The following SLC25A21 variants were observed in gnomAD, a reference collection of about 807,000 sequenced individuals.
SLC25A21 encodes the protein mitochondrial 2-oxodicarboxylate carrier.
In SLC25A21, 47 loss-of-function variants were observed where a neutral mutation model predicts 43.8. The observed-to-expected ratio is 1.07, with a 90% CI of 0.85 to 1.37. The LOEUF (loss-of-function observed/expected upper bound fraction) is 1.37, where lower values mean the gene tolerates loss of function less well. SLC25A21 is among the 40% of genes most tolerant of loss of function. The probability of loss-of-function intolerance (pLI) is 0.00; values close to 1 mark genes in which losing one functional copy is unlikely to be tolerated. For missense variants in SLC25A21, 352 were observed against 350.2 expected, an observed-to-expected ratio of 1.00 and a Z score of -0.04; for synonymous variants, 131 against 121.3, an observed-to-expected ratio of 1.08 and a Z score of -0.52.
intron 1 of SLC25A21, among the ~76,000 whole-genome samples, chr14:36,916,809 C>A (rs940544386): frequency 6.6e-6 from 1 of 151,988 alleles, no homozygotes; most frequent in African/African-American, 2.4e-5. Flanking sequence ...TCCACCTGGA[C>A]GTTATATGGG....
At chr14:37,154,937 C>G (rs190921816) in intron 1 of SLC25A21, among the ~76,000 whole-genome samples, 4 of 152,134 alleles carry the variant, frequency 2.6e-5, no homozygotes, top group African/African-American at 9.6e-5. Context: ...GCACCACGCC[C>G]GGCCGATATC....
intron 1 of SLC25A21, among the ~76,000 whole-genome samples, chr14:36,961,039 G>A (rs564189278): frequency 7.2e-5 from 11 of 152,078 alleles, no homozygotes; most frequent in African/African-American, 2.2e-4. Context: ...GGAGGTTTGA[G>A]GTGTTGGTTC....
At chr14:36,855,094 CAGTAA>C (rs1889859722) in intron 2 of SLC25A21, among the ~76,000 whole-genome samples, 1 of 151,926 alleles carries the variant, frequency 6.6e-6, no homozygotes, top group African/African-American at 2.4e-5. Context: ...TGAACAATGT[CAGTAA>C]AGTAATGTGC....
chr14:36,942,501 C>G (rs759402435), intron 1 of SLC25A21, among the ~76,000 whole-genome samples: 1 of 152,116 alleles, frequency 6.6e-6, no homozygotes, highest in Non-Finnish European at 1.5e-5. Context: ...TGCTTTCTAT[C>G]ACACATATTT....
At chr14:37,097,585 G>C (rs1167915793) in intron 1 of SLC25A21, among the ~76,000 whole-genome samples, 4 of 151,986 alleles carry the variant, frequency 2.6e-5, no homozygotes, top group Non-Finnish European at 5.9e-5. Flanking sequence ...AAATGATTCA[G>C]ACAAAAATAA....
intron 1 of SLC25A21, among the ~76,000 whole-genome samples, chr14:36,880,800 T>A (rs930434927): frequency 6.6e-6 from 1 of 152,220 alleles, no homozygotes; most frequent in African/African-American, 2.4e-5. Flanking sequence ...TATGATATTG[T>A]TAATCACATA....
chr14:36,679,427 C>A lies in SLC25A21; in HGVS notation c.*1231G>T. On this transcript the variant is annotated 3_prime_UTR_variant, in exon 10 of 10. Coordinates refer to ENST00000331299, the MANE Select transcript of SLC25A21 (RefSeq NM_030631.4). ...TGAAATAGCCCCGTAGTAGAAATAG[C>A]CCACGGTAGTAACTTAGGACAGGTG... 1.0e-6 allele frequency: 1 copy of A among 985,016 alleles called. No individual in the cohort carries two copies. Among genetic ancestry groups the A allele is most frequent in the Non-Finnish European group, 1.2e-6 (1 of 829,668 alleles). 61.0% of individuals were successfully genotyped at this position (985,016 alleles called of 1,614,324 possible).
At chr14:36,825,707 T>C (rs1888805414) in intron 2 of SLC25A21, among the ~76,000 whole-genome samples, 1 of 152,214 alleles carries the variant, frequency 6.6e-6, no homozygotes, top group African/African-American at 2.4e-5. Flanking sequence ...GTTCTACAAA[T>C]TGAGATCTAG....
At chr14:36,896,572 C>A (rs1170398313) in intron 1 of SLC25A21, among the ~76,000 whole-genome samples, 1 of 152,082 alleles carries the variant, frequency 6.6e-6, no homozygotes, top group Non-Finnish European at 1.5e-5. Flanking sequence ...GAGTTTCATC[C>A]ATGTCATTAT....
rs1962132136 is a variant in SLC25A21 at position 37,069,602 on chromosome 14, G to A, written c.70+102679C>T. ...GTTTCAGCCTTCTTCGTTGAAAACAGAAGTAAATCATGCAAGGAACTAATT... is the reference window on the plus strand; with the variant it reads ...GTTTCAGCCTTCTTCGTTGAAAACAAAAGTAAATCATGCAAGGAACTAATT... On this transcript the variant is annotated intron_variant, in intron 1 of 9. Transcript: ENST00000331299. Among the ~76,000 whole-genome samples, 5 of 152,272 alleles carry A rather than the reference G, an allele frequency of 3.3e-5. No individual in the cohort carries two copies. In the East Asian group the frequency reaches 7.7e-4, roughly 24 times the overall value.
chr14:36,729,865 T>C (rs1381184786), intron 4 of SLC25A21, among the ~76,000 whole-genome samples: 2 of 152,186 alleles, frequency 1.3e-5, no homozygotes, highest in Non-Finnish European at 2.9e-5. Context: ...GACATCAATA[T>C]ATGGCAGTGA....
At chr14:36,791,553 G>T (rs531660002) in intron 3 of SLC25A21, among the ~76,000 whole-genome samples, 184 of 152,166 alleles carry the variant, frequency 1.2e-3, no homozygotes, top group South Asian at 3.7e-3. Context: ...CAGATGAAAA[G>T]ATACTTTTTC....
intron 6 of SLC25A21, among the ~76,000 whole-genome samples, chr14:36,713,226 T>C (rs1392157833): frequency 6.6e-6 from 1 of 152,116 alleles, no homozygotes; most frequent in African/African-American, 2.4e-5. Context: ...CAAATGACAA[T>C]GGCTTTCCCT....
chr14:36,770,606 G>A (rs1886584187), intron 3 of SLC25A21, among the ~76,000 whole-genome samples: 2 of 152,156 alleles, frequency 1.3e-5, no homozygotes, highest in Non-Finnish European at 1.5e-5. Flanking sequence ...TATATACACA[G>A]CATTTGTTGT....
intron 2 of SLC25A21, among the ~76,000 whole-genome samples, chr14:36,838,430 T>A (rs999075278): frequency 6.6e-6 from 1 of 152,228 alleles, no homozygotes; most frequent in African/African-American, 2.4e-5. Flanking sequence ...TTTTCCTGTG[T>A]GTGACCACCT....
intron 1 of SLC25A21, among the ~76,000 whole-genome samples, chr14:36,997,370 C>T (rs1040529711): frequency 2.6e-5 from 4 of 151,740 alleles, no homozygotes; most frequent in South Asian, 4.2e-4. Flanking sequence ...TGAGGAGATG[C>T]TTTATGTTCA....
In SLC25A21 at chr14:37,032,804, T is replaced by A. The variant is rs575566060; in HGVS notation, c.70+139477A>T. On this transcript the variant is annotated intron_variant, in intron 1 of 9. Transcript: ENST00000331299. ...GAGTTTACTATACTATTCAGGAAAATTTAGCATTTTTCCTAATAAAATGTT... is the reference window on the plus strand; with the variant it reads ...GAGTTTACTATACTATTCAGGAAAAATTAGCATTTTTCCTAATAAAATGTT... Among the ~76,000 whole-genome samples the A allele has an allele frequency of 5.9e-5, 9 of 152,122 alleles. No homozygotes were observed. In the East Asian group the frequency reaches 1.5e-3, roughly 26 times the overall value.
chr14:37,138,990 A>C (rs921019460), intron 1 of SLC25A21, among the ~76,000 whole-genome samples: 3 of 152,110 alleles, frequency 2.0e-5, no homozygotes, highest in African/African-American at 7.2e-5. Flanking sequence ...TTTCATTTGT[A>C]AACAGCTGTT....
intron 6 of SLC25A21, among the ~76,000 whole-genome samples, chr14:36,714,177 A>G (rs1302921865): frequency 6.6e-6 from 1 of 152,250 alleles, no homozygotes; most frequent in Non-Finnish European, 1.5e-5. Context: ...AAATAGTTAT[A>G]ACAATAAAAT....
Sources: allele counts gnomAD v4.1 joint callset (sites outside exome capture counted in the v4.1 genomes callset), GRCh38; gene constraint gnomAD v4.1.1; transcripts MANE v1.5; gene names NCBI Gene and HGNC (gene_info 2026-07-23, HGNC 2026-07-21).